The following CARMIL1 variants were observed in gnomAD, a reference collection of about 807,000 sequenced individuals.
The protein encoded by CARMIL1 is F-actin-uncapping protein LRRC16A.
Under a neutral mutation model 177.1 loss-of-function variants are expected in CARMIL1, and 90 were observed. The ratio of observed to expected loss-of-function variants is 0.51; its 90% CI spans 0.43 to 0.61. The LOEUF is 0.61. CARMIL1 is among the 20% of genes least tolerant of loss of function. The pLI, the probability that CARMIL1 is intolerant of heterozygous loss-of-function variation, is 0.00. For missense variants in CARMIL1, 1,380 were observed against 1,667.0 expected (o/e 0.83, Z 3.00); for synonymous variants, 577 against 606.2 (o/e 0.95, Z 0.71).
intron 2 of CARMIL1, among the ~76,000 whole-genome samples, chr6:25,400,363 C>T (rs748476459): frequency 6.6e-6 from 1 of 152,212 alleles, no homozygotes; most frequent in Non-Finnish European, 1.5e-5. Flanking sequence ...GATGAATGTG[C>T]ATCTTCCTGG....
chr6:25,492,238 T>C (rs1384917675), intron 15 of CARMIL1, among the ~76,000 whole-genome samples: 2 of 152,250 alleles, frequency 1.3e-5, no homozygotes, highest in Non-Finnish European at 2.9e-5. Flanking sequence ...CTAGCCTGCC[T>C]GCGTGAACTA....
rs192307235 is a variant in CARMIL1, at chr6:25,449,889, A to G, written c.372-9A>G. 1.1e-4 allele frequency: 179 copies of G among 1,561,284 alleles called. No individual in the cohort carries two copies. The African/African-American group carries it at 2.0e-3, about 18-fold the overall frequency. ...TTTGTGAAATGTGTTGTTGTTGTTG[A>G]TCTTACAGGAGAATCATGAAAAAAG... On this transcript the variant is annotated splice_polypyrimidine_tract_variant and intron_variant, in intron 5 of 36. Transcript: ENST00000329474.
In CARMIL1 at chr6:25,292,949, G is replaced by A. The variant is rs796770446; in HGVS notation, c.138+8040G>A. On this transcript the variant is annotated intron_variant, in intron 2 of 36. Transcript: ENST00000329474. Reference sequence around the variant, plus strand: ...TAAAATAGTTACAGAGAAAAATAAAGACTTTAGTAAAAGGTTACTGTAAAA... The same window carrying A: ...TAAAATAGTTACAGAGAAAAATAAAAACTTTAGTAAAAGGTTACTGTAAAA... Among the ~76,000 whole-genome samples the A allele has an allele frequency of 2.6e-5, 4 of 152,104 alleles. No homozygotes were observed. In the South Asian group the frequency reaches 8.3e-4, roughly 32 times the overall value.
At chr6:25,574,726 C>T (rs1812427612) in intron 29 of CARMIL1, among the ~76,000 whole-genome samples, 1 of 152,148 alleles carries the variant, frequency 6.6e-6, no homozygotes, top group South Asian at 2.1e-4. Context: ...TTGCCTTTTT[C>T]ACTCAGTATT....
intron 8 of CARMIL1, among the ~76,000 whole-genome samples, chr6:25,459,275 T>TCCTTC (rs1272799059): frequency 1.4e-5 from 2 of 141,516 alleles, no homozygotes; most frequent in Admixed American, 7.6e-5. Flanking sequence ...TCTTTTTTTT[T>TCCTTC]TTTTTAAGAC....
chr6:25,444,108 A>T (rs1324197943), intron 5 of CARMIL1, among the ~76,000 whole-genome samples: 1 of 152,078 alleles, frequency 6.6e-6, no homozygotes, highest in African/African-American at 2.4e-5. Context: ...TGGACTTACA[A>T]TTTCTTAAAA....
intron 36 of CARMIL1, 109 bp from the exon 37 acceptor site, chr6:25,619,338 C>A: frequency 9.3e-7 from 1 of 1,078,672 alleles, no homozygotes; most frequent in Non-Finnish European, 1.3e-6. Flanking sequence ...TTCACCCTGG[C>A]CCCCTCCCCT....
intron 1 of CARMIL1, among the ~76,000 whole-genome samples, chr6:25,282,152 T>C (rs960551404): frequency 3.3e-5 from 5 of 151,348 alleles, no homozygotes; most frequent in African/African-American, 1.2e-4. Flanking sequence ...TTATAGACTT[T>C]ATGTAGAAAC....
At chr6:25,598,485 C>T (rs1318213072) in intron 32 of CARMIL1, among the ~76,000 whole-genome samples, 2 of 152,106 alleles carry the variant, frequency 1.3e-5, no homozygotes, top group Non-Finnish European at 2.9e-5. Flanking sequence ...GCAGTCTGCC[C>T]ACCTCAGCCT....
At chr6:25,283,495 A>G (rs757978834) in intron 1 of CARMIL1, among the ~76,000 whole-genome samples, 73 of 152,202 alleles carry the variant, frequency 4.8e-4, no homozygotes, top group Non-Finnish European at 9.3e-4. Context: ...ATTAGTGTCC[A>G]GAGTAGGAGA....
At chr6:25,373,581 C>G (rs1242407770) in intron 2 of CARMIL1, among the ~76,000 whole-genome samples, 1 of 148,530 alleles carries the variant, frequency 6.7e-6, no homozygotes, top group Non-Finnish European at 1.5e-5. Flanking sequence ...TTTCATCTCT[C>G]TCTCTCTCTT....
At chr6:25,610,027 T>C in intron 35 of CARMIL1, 23 bp from the exon 36 acceptor site, 1 of 1,608,640 alleles carries the variant, frequency 6.2e-7, no homozygotes, top group Non-Finnish European at 8.5e-7. Context: ...AACAGTTTGA[T>C]TCACGTGTTT....
chr6:25,500,509 T>G (rs187472203), intron 17 of CARMIL1, among the ~76,000 whole-genome samples: 2 of 152,312 alleles, frequency 1.3e-5, no homozygotes, highest in Non-Finnish European at 2.9e-5. Context: ...TGATGAAGCC[T>G]TGAGGTATAA....
intron 2 of CARMIL1, among the ~76,000 whole-genome samples, chr6:25,329,859 A>G (rs1380266300): frequency 1.3e-5 from 2 of 152,254 alleles, no homozygotes; most frequent in Admixed American, 6.5e-5. Context: ...GATTCAGCAT[A>G]TGAGAAGTTA....
At chr6:25,352,455 T>G (rs533177620) in intron 2 of CARMIL1, among the ~76,000 whole-genome samples, 1 of 152,284 alleles carries the variant, frequency 6.6e-6, no homozygotes, top group Non-Finnish European at 1.5e-5. Context: ...AGTTAACTAC[T>G]AGAGAAACCT....
intron 33 of CARMIL1, among the ~76,000 whole-genome samples, chr6:25,600,960 C>T (rs1206838576): frequency 6.6e-6 from 1 of 152,168 alleles, no homozygotes; most frequent in East Asian, 1.9e-4. Flanking sequence ...CTGTCCAATA[C>T]TAGGTCTTGT....
At chr6:25,496,901 T>G (rs1311243842) in intron 16 of CARMIL1, among the ~76,000 whole-genome samples, 1 of 152,236 alleles carries the variant, frequency 6.6e-6, no homozygotes. Flanking sequence ...GTGACTGATT[T>G]TGCGGAATAT....
At chr6:25,365,378 A>G (rs984065445) in intron 2 of CARMIL1, among the ~76,000 whole-genome samples, 2 of 152,218 alleles carry the variant, frequency 1.3e-5, no homozygotes, top group African/African-American at 4.8e-5. Flanking sequence ...GGTGCTAAAC[A>G]TATTCCCAGC....
intron 8 of CARMIL1, chr6:25,451,986 G>GGGGGGGGGGGGGGCCC: frequency 8.9e-6 from 1 of 112,668 alleles, no homozygotes; most frequent in Non-Finnish European, 1.7e-5. Context: ...CTAGCATCTT[G>GGGGGGGGGGGGGGCCC]CCCCCCCCTC....
Sources: gnomAD v4.1 joint callset for allele counts (sites outside exome capture counted in the v4.1 genomes callset) on GRCh38, gnomAD v4.1.1 for gene constraint, MANE v1.5 for transcripts, NCBI Gene and HGNC (gene_info 2026-07-23, HGNC 2026-07-21) for gene names.